The following DCDC2B variants were observed in gnomAD, a reference collection of about 807,000 sequenced individuals.
DCDC2B encodes doublecortin domain containing 2B.
Under a neutral mutation model 38.9 loss-of-function variants are expected in DCDC2B, and 41 were observed. That is an observed-to-expected ratio of 1.05 (90% confidence interval 0.82 to 1.37). The LOEUF (loss-of-function observed/expected upper bound fraction) is 1.37. Among genes scored for constraint, DCDC2B ranks in the 40% most tolerant of loss-of-function variants. The pLI, the probability that DCDC2B is intolerant of heterozygous loss-of-function variation, is 0.00. For synonymous variants in DCDC2B, 181 were observed against 171.9 expected (o/e 1.05, Z -0.41); for missense variants, 453 against 427.2 (o/e 1.06, Z -0.53).
intron 4 of DCDC2B, 103 bp downstream of exon 4, chr1:32,212,304 C>T: frequency 1.3e-6 from 2 of 1,557,892 alleles, no homozygotes; most frequent in Admixed American, 3.6e-5. Context: ...GCATGTTCCC[C>T]CACATGGGAC....
intron 2 of DCDC2B, 25 bp from the exon 3 acceptor site, chr1:32,211,736 T>G (rs1643592786): frequency 6.3e-7 from 1 of 1,587,940 alleles, no homozygotes; most frequent in Admixed American, 1.8e-5. Context: ...ACTCTCCTGA[T>G]TTGGAGGCCT....
chr1:32,212,502 A>G lies in DCDC2B; in HGVS notation c.540A>G (p.Leu180=), dbSNP rs986213300. ...QSGAVCKLCT[L]EGLPLSAGKE... is the part of the protein sequence containing the mutation. ...CTCTCTCTCCCAGACTCTGCACCCT[A>G]GAGGGGCTCCCACTGTCAGCAGGGA... Residue 180 remains leucine, a synonymous_variant, in exon 5 of 9, where the codon CTA becomes CTG. Coordinates refer to ENST00000409358, the MANE Select transcript of DCDC2B (RefSeq NM_001099434.2). 6.2e-7 allele frequency: 1 copy of G among 1,613,914 alleles called. No homozygotes were observed. The highest frequency in any genetic ancestry group is 1.3e-5 in the African/African-American group (1 of 75,028).
intron 1 of DCDC2B, among the ~76,000 whole-genome samples, chr1:32,210,534 C>G (rs1643542744): frequency 6.6e-6 from 1 of 151,602 alleles, no homozygotes; most frequent in Non-Finnish European, 1.5e-5. Context: ...AAAAAAAAGG[C>G]CAGAGGAGGG....
intron 6 of DCDC2B, among the ~76,000 whole-genome samples, chr1:32,214,218 A>G (rs1019732114): frequency 1.3e-5 from 2 of 149,568 alleles, no homozygotes; most frequent in Middle Eastern, 7.0e-3. Context: ...AGGCTGAGGC[A>G]GGAGAATCAC....
At chr1:32,209,840 G>T (rs943687514) in intron 1 of DCDC2B, among the ~76,000 whole-genome samples, 8 of 152,148 alleles carry the variant, frequency 5.3e-5, no homozygotes, top group African/African-American at 1.7e-4. Context: ...CTCATGTCTG[G>T]CTTCCAGGTC....
chr1:32,210,050 A>G (rs1474156323), intron 1 of DCDC2B, among the ~76,000 whole-genome samples: 3 of 151,780 alleles, frequency 2.0e-5, no homozygotes, highest in East Asian at 3.9e-4. Context: ...AAAATTGGCC[A>G]GGCACGATGG....
In DCDC2B at chr1:32,209,130, G is replaced by C. The variant is rs969163049; in HGVS notation, c.37G>C (p.Val13Leu). ...GGSPAAKRVV[V>L]YRNGDPFFPG... ...CAGTCCAGCAGCCAAGAGGGTAGTG[G>C]TGTACCGGAATGGGGACCCATTCTT... The change falls in exon 1 of 9, where the codon GTG (valine) becomes CTG (leucine). Residue 13 changes from valine to leucine, a missense_variant. Physicochemically the swap from Val to Leu is conservative, Grantham distance 32. Coordinates refer to ENST00000409358, the MANE Select transcript of DCDC2B (RefSeq NM_001099434.2). The C allele has an allele frequency of 1.2e-6, 2 of 1,613,836 alleles. No homozygotes were observed. Among genetic ancestry groups the C allele is most frequent in the Non-Finnish European group, 1.7e-6 (2 of 1,179,876 alleles).
chr1:32,215,020 G>T (rs1457568940), intron 7 of DCDC2B, 88 bp downstream of exon 7: 1 of 1,529,940 alleles, frequency 6.5e-7, no homozygotes, highest in Non-Finnish European at 8.8e-7. Context: ...GATGTCCATG[G>T]GAGCAGAATG....
intron 6 of DCDC2B, among the ~76,000 whole-genome samples, chr1:32,213,983 C>A (rs1281672486): frequency 1.3e-5 from 2 of 151,116 alleles, no homozygotes; most frequent in East Asian, 4.0e-4. Context: ...GAAAGATTAT[C>A]CCCATTTTCC....
At position 32,215,991 on chromosome 1, in the gene DCDC2B, C is replaced by A; in HGVS notation, c.*94C>A. The A allele has an allele frequency of 9.3e-7, 1 of 1,072,448 alleles. No homozygotes were observed. The highest frequency in any genetic ancestry group is 1.4e-6 in the Non-Finnish European group (1 of 719,692). 66.4% of individuals were successfully genotyped at this position (1,072,448 alleles called of 1,614,324 possible). On this transcript the variant is annotated 3_prime_UTR_variant, in exon 9 of 9. Coordinates refer to ENST00000409358, the MANE Select transcript of DCDC2B (RefSeq NM_001099434.2). ...GCTTGTTCCTCAGGAGCCAGCACCT[C>A]CGCTGGGCTCACAGGGTACACTGCG...
At chr1:32,214,997 T>G in intron 7 of DCDC2B, 65 bp downstream of exon 7, 2 of 1,591,688 alleles carry the variant, frequency 1.3e-6, no homozygotes, top group Non-Finnish European at 1.7e-6. Context: ...GGTTGGTCCC[T>G]GCTGTTGTTG....
At chr1:32,215,075 G>A in intron 7 of DCDC2B, 143 bp downstream of exon 7, 1 of 1,216,168 alleles carries the variant, frequency 8.2e-7, no homozygotes, top group Non-Finnish European at 1.1e-6. Context: ...AAAGATAAAG[G>A]AGTCTGAACC....
chr1:32,211,283 A>G lies in DCDC2B; in HGVS notation c.278A>G (p.His93Arg), dbSNP rs780142043. The G allele has an allele frequency of 8.1e-6, 13 of 1,613,718 alleles. No individual in the cohort carries two copies. In the Admixed American group the frequency reaches 1.3e-4, roughly 17 times the overall value. Residue 93 changes from histidine (H) to arginine (R), a missense_variant, in exon 2 of 9, where the codon CAT (histidine) becomes CGT (arginine). His to Arg is a conservative substitution (Grantham distance 29). Transcript: ENST00000409358. The part of the protein sequence containing the change: ...ERFHKLHYLP[H>R]RGKDPGGKSC... ...ATCTGTCCTTTCAGCTATTTACCCC[A>G]TAGAGGGAAGGACCCAGGTGGGAAG...
At chr1:32,214,994 C>T in intron 7 of DCDC2B, 62 bp downstream of exon 7, 1 of 1,599,966 alleles carries the variant, frequency 6.3e-7, no homozygotes, top group East Asian at 2.2e-5. Context: ...ATAGGTTGGT[C>T]CCTGCTGTTG....
In DCDC2B at chr1:32,215,790, C is replaced by CACCT; in HGVS notation, c.955-11_955-8dup. On this transcript the variant is annotated splice_polypyrimidine_tract_variant and intron_variant, in intron 8 of 8. Transcript: ENST00000409358. ...CACGGCTCCATTCTGTATGGCCTTCCACCTCCTGCAGAGGGCAGCACAGAT... is the reference window on the plus strand; with the variant it reads ...CACGGCTCCATTCTGTATGGCCTTCCACCTACCTCCTGCAGAGGGCAGCACAGAT... 6.5e-7 allele frequency: 1 copy of CACCT among 1,545,640 alleles called. No homozygotes were observed. The highest frequency in any genetic ancestry group is 8.7e-7 in the Non-Finnish European group (1 of 1,142,940).
intron 2 of DCDC2B, 69 bp from the exon 3 acceptor site, chr1:32,211,692 C>A: frequency 6.6e-7 from 1 of 1,518,548 alleles, no homozygotes. Flanking sequence ...TCACTCCACA[C>A]CTTGGATGGG....
intron 2 of DCDC2B, 88 bp from the exon 3 acceptor site, chr1:32,211,673 C>A: frequency 1.5e-6 from 2 of 1,375,982 alleles, no homozygotes; most frequent in Admixed American, 2.0e-5. Flanking sequence ...CAGTCTGGTT[C>A]CGGCCCCCTC....
chr1:32,215,420 G>A lies in DCDC2B; in HGVS notation c.851-20G>A, dbSNP rs1638297934. On this transcript the variant is annotated intron_variant, in intron 7 of 8. Transcript: ENST00000409358. ...GGCTCTTCAGCCTGGGCATCACCCA[G>A]TGCTGCCTCCCCTCTTTAGGAGTTA... is the stretch of plus-strand genomic sequence containing the variant. 6.3e-7 allele frequency: 1 copy of A among 1,599,566 alleles called. No homozygotes were observed. Among genetic ancestry groups the A allele is most frequent in the Non-Finnish European group, 8.5e-7 (1 of 1,171,932 alleles).
At position 32,214,561 on chromosome 1, in the gene DCDC2B, GCA is replaced by G. The variant is rs1643721273; in HGVS notation, c.715-233_715-232del. 9.3e-6 allele frequency: 5 copies of G among 536,034 alleles called. No homozygotes were observed. In the South Asian group the frequency reaches 1.1e-4, roughly 12 times the overall value. The allele number at this position is 536,034 out of a possible 1,614,324, so 33.2% of individuals were successfully genotyped here. A position where few individuals can be genotyped will look rare whatever the true frequency, so the allele number is the denominator to read the frequency against. ...GGGGCATGGTGGTGGGGGTGGGGAA[GCA>G]CAGTCTGGTTTCACTGGGCATCGAG... is the stretch of plus-strand genomic sequence containing the variant. On this transcript the variant is annotated intron_variant, in intron 6 of 8. Transcript: ENST00000409358.
Sources: allele counts gnomAD v4.1 joint callset (sites outside exome capture counted in the v4.1 genomes callset), GRCh38; gene constraint gnomAD v4.1.1; transcripts MANE v1.5; gene names NCBI Gene and HGNC (gene_info 2026-07-23, HGNC 2026-07-21).